The following PTDSS1 variants were observed in gnomAD, a reference collection of about 807,000 sequenced individuals.
PTDSS1 encodes PSS-1.
Under a neutral mutation model 70.5 loss-of-function variants are expected in PTDSS1, and 45 were observed. The ratio of observed to expected loss-of-function variants is 0.64; its 90% CI spans 0.50 to 0.82. PTDSS1 has a LOEUF of 0.82. Ranked by LOEUF, PTDSS1 falls within the 40% of genes least tolerant of loss-of-function variation. The probability of loss-of-function intolerance (pLI) is 0.00; values close to 1 mark genes in which losing one functional copy is unlikely to be tolerated. For missense variants in PTDSS1, 417 were observed against 586.1 expected, an observed-to-expected ratio of 0.71 and a Z score of 2.98; for synonymous variants, 188 against 203.8, an observed-to-expected ratio of 0.92 and a Z score of 0.66.
intron 1 of PTDSS1, among the ~76,000 whole-genome samples, chr8:96,271,847 T>C (rs1810571496): frequency 6.6e-6 from 1 of 152,188 alleles, no homozygotes; most frequent in African/African-American, 2.4e-5. Context: ...AAACCCTTCA[T>C]ATCCTTTGCC....
Position 96,330,214 on chromosome 8 carries a change from C to T in PTDSS1, c.1175C>T (p.Ala392Val), listed in dbSNP as rs1272567302. The T allele has an allele frequency of 2.5e-6, 4 of 1,612,008 alleles. No homozygotes were observed. The highest frequency in any genetic ancestry group is 3.4e-6 in the Non-Finnish European group (4 of 1,178,170). Residue 392 changes from alanine (A) to valine (V), a missense_variant and splice_region_variant, in exon 11 of 13, where the codon GCT becomes GTT. Physicochemically the swap from Ala to Val is moderately conservative, Grantham distance 64. Transcript: ENST00000517309. The stretch of plus-strand genomic sequence containing the variant: ...GCATCATTTGTTTTTCTCTTCCAGG[C>T]TTTCACCACTTTCCTCTGTCTGTAC... ...LYVVLWLLCV[A>V]FTTFLCLYGM...
Position 96,335,271 on chromosome 8 carries a change from A to G in PTDSS1, c.*1705A>G, listed in dbSNP as rs1232934866. 1 of 152,244 alleles carries G rather than the reference A, an allele frequency of 6.6e-6. No individual in the cohort carries two copies. Among genetic ancestry groups the G allele is most frequent in the Non-Finnish European group, 1.5e-5 (1 of 68,046 alleles). The allele number at this position is 152,244 out of a possible 1,614,324, so 9.4% of individuals were successfully genotyped here. A position where few individuals can be genotyped will look rare whatever the true frequency, so the allele number is the denominator to read the frequency against. On this transcript the variant is annotated 3_prime_UTR_variant, in exon 13 of 13. Transcript: ENST00000517309. ...CATCAAAGAGGCCATTTTTAAACAC[A>G]GGTACAATTTAAACATGATCTTTCT...
intron 10 of PTDSS1, among the ~76,000 whole-genome samples, chr8:96,324,434 GT>G (rs1223264903): frequency 6.6e-6 from 1 of 152,160 alleles, no homozygotes; most frequent in Non-Finnish European, 1.5e-5. Flanking sequence ...TCCATTTTCT[GT>G]TGCTATAACA....
intron 10 of PTDSS1, 28 bp downstream of exon 10, chr8:96,320,373 A>G (rs372760547): frequency 2.1e-5 from 33 of 1,542,120 alleles, no homozygotes; most frequent in Middle Eastern, 1.7e-4. Context: ...ACCCAAAGGC[A>G]TTAGCTAAAC....
Position 96,262,344 on chromosome 8 carries a change from C to T in PTDSS1, c.179+125C>T. On this transcript the variant is annotated intron_variant, in intron 1 of 12. Transcript: ENST00000517309. The surrounding 1 kb of genome is among the most constrained non-coding windows in gnomAD (Gnocchi z 4.4). ...AAGTGGGCTGGCTGCTCCACGCACA[C>T]GCACTGGCAGCCCGCCGCCCACGCG... is the stretch of plus-strand genomic sequence containing the variant. The T allele has an allele frequency of 8.0e-7, 1 of 1,251,786 alleles. No individual in the cohort carries two copies. The highest frequency in any genetic ancestry group is 1.5e-5 in the African/African-American group (1 of 65,516). 77.5% of individuals were successfully genotyped at this position (1,251,786 alleles called of 1,614,324 possible).
chr8:96,316,867 G>A (rs997776697), intron 9 of PTDSS1, among the ~76,000 whole-genome samples: 4 of 151,886 alleles, frequency 2.6e-5, no homozygotes, highest in South Asian at 2.1e-4. Context: ...GGTGGCACAC[G>A]CCTGTAGTCC....
chr8:96,298,718 A>G (rs1287313257), intron 5 of PTDSS1, among the ~76,000 whole-genome samples: 1 of 152,020 alleles, frequency 6.6e-6, no homozygotes, highest in Non-Finnish European at 1.5e-5. Flanking sequence ...TACTCCATTT[A>G]TGTCACCATT....
At chr8:96,281,249 A>G (rs1289927681) in intron 2 of PTDSS1, among the ~76,000 whole-genome samples, 2 of 152,242 alleles carry the variant, frequency 1.3e-5, no homozygotes, top group African/African-American at 4.8e-5. Flanking sequence ...CACTGTTAGT[A>G]TATAATGCTA....
Position 96,333,511 on chromosome 8 carries a change from G to A in PTDSS1, c.1367G>A (p.Arg456Lys). The A allele has an allele frequency of 6.2e-6, 10 of 1,614,122 alleles. No homozygotes were observed. The highest frequency in any genetic ancestry group is 7.6e-6 in the Non-Finnish European group (9 of 1,180,000). Residue 456 changes from arginine to lysine, a missense_variant, in exon 13 of 13, where the codon AGG (arginine) becomes AAG (lysine). By Grantham distance (26) the Arg-to-Lys change is conservative. Around this residue, in one of 3 missense-constraint regions of PTDSS1, gnomAD observed 107 missense variants for 122.3 expected, o/e 0.88. Coordinates refer to ENST00000517309, the MANE Select transcript of PTDSS1 (RefSeq NM_014754.3). ...GGCAACAACGAAAGCCATTCTTCCA[G>A]GAGAAGGAATCGGCATTCCAAGTCA... ...HAGNNESHSSRRRNRHSKSKV... is the reference protein window; with the variant it reads ...HAGNNESHSSKRRNRHSKSKV...
intron 10 of PTDSS1, among the ~76,000 whole-genome samples, chr8:96,326,307 C>G (rs945614375): frequency 6.6e-6 from 1 of 152,232 alleles, no homozygotes; most frequent in Non-Finnish European, 1.5e-5. Flanking sequence ...TAGCTCCCTC[C>G]TTGGGACCAG....
At chr8:96,285,085 T>C (rs1191455355) in intron 3 of PTDSS1, among the ~76,000 whole-genome samples, 1 of 152,168 alleles carries the variant, frequency 6.6e-6, no homozygotes, top group Non-Finnish European at 1.5e-5. Context: ...CAAAAAAATA[T>C]CAGCTATCTG....
At chr8:96,264,906 GAGAC>G (rs1468650264) in intron 1 of PTDSS1, among the ~76,000 whole-genome samples, 4 of 152,008 alleles carry the variant, frequency 2.6e-5, no homozygotes, top group African/African-American at 9.7e-5. Flanking sequence ...ATTTCATAAA[GAGAC>G]AGAAATCACA....
chr8:96,302,075 G>A (rs1052778786), intron 6 of PTDSS1, among the ~76,000 whole-genome samples: 1 of 152,058 alleles, frequency 6.6e-6, no homozygotes, highest in South Asian at 2.1e-4. Context: ...CTGGAGTGCA[G>A]TGGTGCAATC....
intron 12 of PTDSS1, among the ~76,000 whole-genome samples, chr8:96,333,094 G>T (rs1042076772): frequency 1.3e-5 from 2 of 152,352 alleles, no homozygotes; most frequent in African/African-American, 2.4e-5. Context: ...TGCAGGGCAG[G>T]ATGGGCACCG....
Position 96,275,157 on chromosome 8 carries a change from A to T in PTDSS1, c.271+1767A>T, listed in dbSNP as rs75060586. On this transcript the variant is annotated intron_variant, in intron 2 of 12. Coordinates refer to ENST00000517309, the MANE Select transcript of PTDSS1 (RefSeq NM_014754.3). ...ATTGAATTTTTAATTAAAAAAAAAAATTTTAGAGATGGAGTCTTGCTGTGT... is the reference window on the plus strand; with the variant it reads ...ATTGAATTTTTAATTAAAAAAAAAATTTTTAGAGATGGAGTCTTGCTGTGT... Among the ~76,000 whole-genome samples the T allele has an allele frequency of 4.6e-5, 7 of 152,074 alleles. No homozygotes were observed. In the South Asian group the frequency reaches 6.2e-4, roughly 14 times the overall value.
Position 96,336,365 on chromosome 8 carries a change from G to A in PTDSS1, c.*2799G>A, listed in dbSNP as rs1303775354. Reference sequence around the variant, plus strand: ...GCCAAGGCCCACCCTTTGGAATTGGGAGGGTTTTGGGTAGAATCCTGCACT... The same window carrying A: ...GCCAAGGCCCACCCTTTGGAATTGGAAGGGTTTTGGGTAGAATCCTGCACT... On this transcript the variant is annotated 3_prime_UTR_variant, in exon 13 of 13. Transcript: ENST00000517309. 6.6e-6 allele frequency: 1 copy of A among 152,026 alleles called. No individual in the cohort carries two copies. Among genetic ancestry groups the A allele is most frequent in the Non-Finnish European group, 1.5e-5 (1 of 68,052 alleles). 9.4% of individuals were successfully genotyped at this position (152,026 alleles called of 1,614,324 possible).
At position 96,286,263 on chromosome 8, in the gene PTDSS1, G is replaced by C. The variant is rs115363322; in HGVS notation, c.317-759G>C. ...GGAAAGAGAAACCACAAAACCCCTC[G>C]TGATCGTTTCTGAAATCTCTCTAAA... On this transcript the variant is annotated intron_variant, in intron 3 of 12. Coordinates refer to ENST00000517309, the MANE Select transcript of PTDSS1 (RefSeq NM_014754.3). Among the ~76,000 whole-genome samples, 598 of 152,254 alleles carry C rather than the reference G, an allele frequency of 3.9e-3. 2 individuals carry two copies. The highest frequency in any genetic ancestry group is 0.014 in the African/African-American group (567 of 41,544).
intron 9 of PTDSS1, among the ~76,000 whole-genome samples, chr8:96,310,506 G>A (rs895573297): frequency 6.6e-6 from 1 of 150,800 alleles, no homozygotes; most frequent in Non-Finnish European, 1.5e-5. Context: ...AAATCAGATG[G>A]TATTTCCCAC....
Position 96,264,797 on chromosome 8 carries a change from C to T in PTDSS1, c.179+2578C>T, listed in dbSNP as rs143631286. On this transcript the variant is annotated intron_variant, in intron 1 of 12. Coordinates refer to ENST00000517309, the MANE Select transcript of PTDSS1 (RefSeq NM_014754.3). Reference sequence around the variant, plus strand: ...GCAGTGAAAGTATAAGAAATGAATACGAATTTTAACAGCTTGTCCAAAATA... The same window carrying T: ...GCAGTGAAAGTATAAGAAATGAATATGAATTTTAACAGCTTGTCCAAAATA... Among the ~76,000 whole-genome samples, 733 of 152,232 alleles carry T rather than the reference C, an allele frequency of 4.8e-3. 3 individuals are homozygous for T. The highest frequency in any genetic ancestry group is 0.014 in the African/African-American group (588 of 41,544).
Sources: gnomAD v4.1 joint callset for allele counts (sites outside exome capture counted in the v4.1 genomes callset) on GRCh38, gnomAD v4.1.1 for gene constraint, gnomAD v4.1.1 regional missense constraint, Gnocchi (gnomAD v3.1) non-coding constraint, MANE v1.5 for transcripts, NCBI Gene and HGNC (gene_info 2026-07-23, HGNC 2026-07-21) for gene names.